Variants in ASB4 observed in about 807,000 individuals in gnomAD.
The protein encoded by ASB4 is ankyrin repeat and SOCS box protein 4.
ASB4 carries 35 observed loss-of-function variants against 38.6 expected under a neutral mutation model. The ratio of observed to expected loss-of-function variants is 0.91; its 90% CI spans 0.69 to 1.20. The LOEUF is 1.20. Ranked by LOEUF, ASB4 falls within the 50% of genes most tolerant of loss-of-function variation. The pLI is 0.00. For synonymous variants in ASB4, 195 were observed against 201.3 expected (o/e 0.97, Z 0.26); for missense variants, 557 against 527.2 (o/e 1.06, Z -0.55).
chr7:95,535,618 A>T (rs1246104883), intron 3 of ASB4, among the ~76,000 whole-genome samples: 1 of 152,218 alleles, frequency 6.6e-6, no homozygotes, highest in Non-Finnish European at 1.5e-5. Flanking sequence ...CATGTAGTTT[A>T]ATCTAAATGT....
rs1053545230 is a variant in ASB4 at position 95,522,951 on chromosome 7, C to T, written c.488-4862C>T. On this transcript the variant is annotated intron_variant, in intron 2 of 4. Coordinates refer to ENST00000325885, the MANE Select transcript of ASB4 (RefSeq NM_016116.3). The stretch of plus-strand genomic sequence containing the variant: ...ACTTCTCCCATTAAAAGTCACTTTA[C>T]CCCAGAAACAATGTACTCTGCCCAC... 2.0e-5 allele frequency among the ~76,000 whole-genome samples: 3 copies of T among 152,242 alleles called. No individual in the cohort carries two copies. The South Asian group carries it at 6.2e-4, about 32-fold the overall frequency.
intron 2 of ASB4, among the ~76,000 whole-genome samples, chr7:95,515,339 TTC>T (rs769492220): frequency 2.9e-4 from 41 of 141,468 alleles, no homozygotes; most frequent in Non-Finnish European, 6.1e-4. Context: ...CTTCCTTTCT[TTC>T]TTTCTTTCTT....
intron 3 of ASB4, among the ~76,000 whole-genome samples, chr7:95,532,431 A>C (rs568641190): frequency 6.6e-6 from 1 of 152,276 alleles, no homozygotes; most frequent in South Asian, 2.1e-4. Flanking sequence ...ATTCAGAAGA[A>C]AGTGACACCC....
At chr7:95,474,822 T>C (rs1789960536), upstream of ASB4, among the ~76,000 whole-genome samples, 1 of 152,224 alleles carries the variant, frequency 6.6e-6, no homozygotes, top group Admixed American at 6.5e-5. Context: ...ATGCCTCATC[T>C]AAAAATTAGT....
intron 2 of ASB4, among the ~76,000 whole-genome samples, chr7:95,506,281 G>C (rs936629827): frequency 6.6e-6 from 1 of 152,100 alleles, no homozygotes; most frequent in African/African-American, 2.4e-5. Context: ...GTTCCTTCTG[G>C]AGTCTTCAGA....
chr7:95,512,625 AT>A (rs754722368), intron 2 of ASB4, among the ~76,000 whole-genome samples: 2 of 152,202 alleles, frequency 1.3e-5, no homozygotes, highest in Non-Finnish European at 2.9e-5. Flanking sequence ...GGTACATAAA[AT>A]CTACACATTT....
At chr7:95,494,475 A>G (rs1405918230) in intron 1 of ASB4, among the ~76,000 whole-genome samples, 5 of 152,212 alleles carry the variant, frequency 3.3e-5, no homozygotes, top group African/African-American at 1.2e-4. Context: ...CCATTAAATC[A>G]TATTCTGCTT....
At chr7:95,540,932 C>T (rs7799242), downstream of ASB4, among the ~76,000 whole-genome samples, 23,981 of 152,174 alleles carry the variant, frequency 0.16, 2,151 homozygotes, top group African/African-American at 0.23. Context: ...CTGAGTCTTA[C>T]GTTTTTATTA....
intron 2 of ASB4, among the ~76,000 whole-genome samples, chr7:95,506,556 T>C (rs879755393): frequency 2.3e-4 from 35 of 152,352 alleles, no homozygotes; most frequent in Non-Finnish European, 4.7e-4. Flanking sequence ...ATAAACATTT[T>C]CTTTTAGCAT....
chr7:95,503,690 T>C (rs1261937328), intron 2 of ASB4, among the ~76,000 whole-genome samples: 3 of 152,194 alleles, frequency 2.0e-5, no homozygotes, highest in East Asian at 1.9e-4. Context: ...AGACAACATA[T>C]AGACGAGGAA....
At chr7:95,547,238 G>A in the ASB4 span, among the ~76,000 whole-genome samples, 1 of 152,134 alleles carries the variant, frequency 6.6e-6, no homozygotes, top group African/African-American at 2.4e-5. Context: ...CTTTAGTCAA[G>A]GTAAACAATA....
chr7:95,486,591 C>G (rs900180422), intron 1 of ASB4, among the ~76,000 whole-genome samples: 8 of 152,172 alleles, frequency 5.3e-5, no homozygotes, highest in African/African-American at 1.9e-4. Context: ...CTCTCTATGT[C>G]CATGTGGATG....
At chr7:95,484,026 T>TTA (rs369303946), upstream of ASB4, among the ~76,000 whole-genome samples, 1 of 138,888 alleles carries the variant, frequency 7.2e-6, no homozygotes, top group Admixed American at 7.2e-5. Flanking sequence ...CATTAAAAAG[T>TTA]AAAAAAAAAA....
At position 95,539,378 on chromosome 7, in the gene ASB4, G is replaced by T. The variant is rs1362777876; in HGVS notation, c.*1619G>T. The T allele has an allele frequency of 1.3e-5, 2 of 152,164 alleles. No individual in the cohort carries two copies. The highest frequency in any genetic ancestry group is 2.9e-5 in the Non-Finnish European group (2 of 68,026). The allele number at this position is 152,164 out of a possible 1,614,324, so 9.4% of individuals were successfully genotyped here. A position where few individuals can be genotyped will look rare whatever the true frequency, so the allele number is the denominator to read the frequency against. ...GGCTGTGTAAGAAAAGTCATAGGTG[G>T]ATACAATAATCTCTTTTAAGTATCA... is the stretch of plus-strand genomic sequence containing the variant. On this transcript the variant is annotated 3_prime_UTR_variant, in exon 5 of 5. Transcript: ENST00000325885.
chr7:95,498,444 A>G (rs1790282985), intron 2 of ASB4, among the ~76,000 whole-genome samples: 1 of 152,222 alleles, frequency 6.6e-6, no homozygotes, highest in Admixed American at 6.5e-5. Context: ...TCTGATGACT[A>G]AGGATGTTGA....
At chr7:95,508,228 A>G (rs1790436293) in intron 2 of ASB4, among the ~76,000 whole-genome samples, 1 of 152,126 alleles carries the variant, frequency 6.6e-6, no homozygotes, top group Non-Finnish European at 1.5e-5. Flanking sequence ...AAAAGGATTG[A>G]CTTTGGAGAG....
chr7:95,487,336 T>C (rs545667697), intron 1 of ASB4, among the ~76,000 whole-genome samples: 43 of 152,304 alleles, frequency 2.8e-4, no homozygotes, highest in African/African-American at 9.9e-4. Flanking sequence ...GTTAGAAAAT[T>C]TGTATACTAT....
At chr7:95,543,146 A>T (rs1438890938), downstream of ASB4, 1 of 151,444 alleles carries the variant, frequency 6.6e-6, no homozygotes, top group Admixed American at 6.9e-5. Flanking sequence ...GTGGGAACCA[A>T]TATAGATTAC....
intron 4 of ASB4, 22 bp from the exon 5 acceptor site, chr7:95,537,549 T>A: frequency 6.3e-7 from 1 of 1,575,752 alleles, no homozygotes; most frequent in Non-Finnish European, 8.6e-7. Flanking sequence ...CTAACTTTAA[T>A]TTGTCTTGCC....
Sources: gnomAD v4.1 joint callset for allele counts (sites outside exome capture counted in the v4.1 genomes callset) on GRCh38, gnomAD v4.1.1 for gene constraint, MANE v1.5 for transcripts, NCBI Gene and HGNC (gene_info 2026-07-23, HGNC 2026-07-21) for gene names.